THADA: variants seen among roughly 807,000 people sequenced by gnomAD.
THADA encodes the protein THADA armadillo repeat containing, also known as tRNA (32-2'-O)-methyltransferase regulator THADA.
A neutral mutation model predicts 219.8 loss-of-function variants in THADA; 213 were observed. That is an observed-to-expected ratio of 0.97 (90% confidence interval 0.87 to 1.09). THADA has a LOEUF of 1.09. Ranked by LOEUF, THADA falls within the 50% of genes least tolerant of loss-of-function variation. The pLI, the probability that THADA is intolerant of heterozygous loss-of-function variation, is 0.00. For missense variants in THADA, 2,956 were observed against 2,311.3 expected, an observed-to-expected ratio of 1.28 and a Z score of -5.72; for synonymous variants, 1,018 against 828.9, an observed-to-expected ratio of 1.23 and a Z score of -3.92.
chr2:43,469,513 TAAAAA>T (rs562153833), intron 26 of THADA, among the ~76,000 whole-genome samples: 2 of 152,020 alleles, frequency 1.3e-5, no homozygotes, highest in African/African-American at 4.8e-5. Context: ...AAATGAACAT[TAAAAA>T]AAATTATTAT....
chr2:43,541,295 T>G lies in THADA; in HGVS notation c.3128A>C (p.Asp1043Ala). Residue 1043 changes from aspartate (D) to alanine (A), a missense_variant, in exon 21 of 38, where the codon GAT (aspartate) becomes GCT (alanine). Coordinates refer to ENST00000405975, the MANE Select transcript of THADA (RefSeq NM_022065.5). ...EIKGKEVKTC[D>A]VTAQMVLVCC... The stretch of plus-strand genomic sequence containing the variant: ...TACCAGCACCATCTGCGCAGTTACA[T>G]CACATGTTTTTACTTCTTTACCTTA... 1 of 1,613,288 alleles carries G rather than the reference T, an allele frequency of 6.2e-7. No homozygotes were observed. The highest frequency in any genetic ancestry group is 8.5e-7 in the Non-Finnish European group (1 of 1,179,620).
chr2:43,588,886 A>C (rs978962273), intron 4 of THADA, among the ~76,000 whole-genome samples: 12 of 152,150 alleles, frequency 7.9e-5, no homozygotes, highest in Non-Finnish European at 1.8e-4. Context: ...TGGGGAAGTG[A>C]TTAAATTACT....
intron 22 of THADA, among the ~76,000 whole-genome samples, chr2:43,527,467 A>G (rs1693304733): frequency 6.6e-6 from 1 of 152,212 alleles, no homozygotes; most frequent in African/African-American, 2.4e-5. Flanking sequence ...ACTTTTCTAT[A>G]CGATAAAATT....
rs143341918 is a variant in THADA, at chr2:43,280,742, T to C, written c.5165-846A>G. ...GTATGTAGGGGGTCCACTATCTGAC[T>C]GCCATTACTCCTGGACACTGATCTG... On this transcript the variant is annotated intron_variant, in intron 35 of 37. Transcript: ENST00000405975. 2.5e-3 allele frequency among the ~76,000 whole-genome samples: 382 copies of C among 152,328 alleles called. 1 individual carries two copies. The highest frequency in any genetic ancestry group is 8.9e-3 in the African/African-American group (370 of 41,578).
chr2:43,465,548 C>A (rs1216039659), intron 26 of THADA, among the ~76,000 whole-genome samples: 1 of 152,146 alleles, frequency 6.6e-6, no homozygotes, highest in African/African-American at 2.4e-5. Flanking sequence ...AAACACAACA[C>A]AACAAAATAC....
At chr2:43,552,061 A>G in intron 18 of THADA, 136 bp from the exon 19 acceptor site, 2 of 1,527,576 alleles carry the variant, frequency 1.3e-6, no homozygotes, top group Non-Finnish European at 1.8e-6. Flanking sequence ...AAATATACAC[A>G]GATACGTATG....
intron 31 of THADA, among the ~76,000 whole-genome samples, chr2:43,305,925 T>C (rs929716149): frequency 1.3e-5 from 2 of 152,032 alleles, no homozygotes; most frequent in Admixed American, 1.3e-4. Flanking sequence ...TTCCTTTCCT[T>C]TCCTGTCCAT....
chr2:43,452,434 G>A (rs1407770900), intron 26 of THADA, among the ~76,000 whole-genome samples: 2 of 152,068 alleles, frequency 1.3e-5, no homozygotes, highest in Non-Finnish European at 2.9e-5. Flanking sequence ...AATACAGCTT[G>A]GAGGTAAATA....
chr2:43,515,885 T>C (rs1463843050), intron 22 of THADA, among the ~76,000 whole-genome samples: 5 of 152,176 alleles, frequency 3.3e-5, no homozygotes, highest in Non-Finnish European at 7.4e-5. Flanking sequence ...GGGTGTCTAC[T>C]AGACATGCCA....
intron 22 of THADA, among the ~76,000 whole-genome samples, chr2:43,523,190 C>T (rs1463305626): frequency 2.0e-5 from 3 of 151,998 alleles, no homozygotes; most frequent in African/African-American, 4.8e-5. Flanking sequence ...CATGGCGAAA[C>T]CCCATCTCTA....
At chr2:43,480,289 G>A (rs1288905250) in intron 26 of THADA, among the ~76,000 whole-genome samples, 2 of 152,140 alleles carry the variant, frequency 1.3e-5, no homozygotes, top group Non-Finnish European at 2.9e-5. Flanking sequence ...CATGGCCCAC[G>A]CACTAAAGAA....
At chr2:43,408,369 T>C (rs547001863) in intron 28 of THADA, 21 of 152,338 alleles carry the variant, frequency 1.4e-4, no homozygotes, top group African/African-American at 4.6e-4. Context: ...AGGTTGCCTC[T>C]GAGCAAAGTA....
chr2:43,297,452 G>GA (rs1675597824), intron 31 of THADA, among the ~76,000 whole-genome samples: 1 of 111,026 alleles, frequency 9.0e-6, no homozygotes, highest in African/African-American at 5.2e-5. Flanking sequence ...GGAGGTGGGG[G>GA]GGGGTCAGCC....
chr2:43,373,481 C>CTTT (rs36010243), intron 29 of THADA, among the ~76,000 whole-genome samples: 1 of 146,976 alleles, frequency 6.8e-6, no homozygotes, highest in Non-Finnish European at 1.5e-5. Context: ...CAGTTGTTAA[C>CTTT]TTTTTTTTTT....
chr2:43,268,482 G>A (rs1671777319), intron 36 of THADA, among the ~76,000 whole-genome samples: 1 of 152,178 alleles, frequency 6.6e-6, no homozygotes, highest in Admixed American at 6.5e-5. Flanking sequence ...CCCATGAGAG[G>A]TCTTGCCATG....
At chr2:43,298,737 C>T (rs940252532) in intron 31 of THADA, among the ~76,000 whole-genome samples, 7 of 151,970 alleles carry the variant, frequency 4.6e-5, no homozygotes, top group Non-Finnish European at 7.4e-5. Context: ...TGGTCTGGGG[C>T]CTTAAGAAGG....
intron 36 of THADA, among the ~76,000 whole-genome samples, chr2:43,235,399 T>G (rs1011642786): frequency 6.6e-6 from 1 of 152,098 alleles, no homozygotes; most frequent in African/African-American, 2.4e-5. Context: ...GTTTAAGAGA[T>G]TCTCCTGCCT....
At chr2:43,332,762 GCT>G (rs1665938687) in intron 30 of THADA, among the ~76,000 whole-genome samples, 1 of 152,180 alleles carries the variant, frequency 6.6e-6, no homozygotes, top group African/African-American at 2.4e-5. Context: ...TAAGCCAACA[GCT>G]ACAAGTGGAA....
chr2:43,567,667 C>T (rs1341312337), intron 14 of THADA, among the ~76,000 whole-genome samples: 1 of 152,116 alleles, frequency 6.6e-6, no homozygotes, highest in Non-Finnish European at 1.5e-5. Flanking sequence ...TCATTCAAAC[C>T]GTATTGTCAT....
Sources: gnomAD v4.1 joint callset for allele counts (sites outside exome capture counted in the v4.1 genomes callset) on GRCh38, gnomAD v4.1.1 for gene constraint, MANE v1.5 for transcripts, NCBI Gene and HGNC (gene_info 2026-07-23, HGNC 2026-07-21) for gene names.